ANKRD55: variants seen among roughly 807,000 people sequenced by gnomAD.
ANKRD55 encodes ankyrin repeat domain 55, also known as ankyrin repeat domain-containing protein 55.
ANKRD55 carries 41 observed loss-of-function variants against 60.6 expected under a neutral mutation model. The observed-to-expected ratio is 0.68, with a 90% CI of 0.53 to 0.88. ANKRD55 has a LOEUF of 0.88. Ranked by LOEUF, ANKRD55 falls within the 40% of genes least tolerant of loss-of-function variation. The pLI is 0.00. For missense variants in ANKRD55, 732 were observed against 767.6 expected, an observed-to-expected ratio of 0.95 and a Z score of 0.55; for synonymous variants, 264 against 290.3, an observed-to-expected ratio of 0.91 and a Z score of 0.92.
At chr5:56,154,822 C>T (rs1303744232) in intron 6 of ANKRD55, among the ~76,000 whole-genome samples, 1 of 152,080 alleles carries the variant, frequency 6.6e-6, no homozygotes, top group Non-Finnish European at 1.5e-5. Flanking sequence ...CTCCTGGCCT[C>T]AAGTGATTCA....
At chr5:56,232,727 T>C (rs1760286665) in intron 2 of ANKRD55, 129 bp downstream of exon 2, 4 of 848,088 alleles carry the variant, frequency 4.7e-6, no homozygotes, top group Middle Eastern at 2.9e-4. Context: ...CAAATACTCA[T>C]GCACACCCAC....
chr5:56,130,894 C>T (rs1757390731), intron 7 of ANKRD55, among the ~76,000 whole-genome samples: 2 of 152,062 alleles, frequency 1.3e-5, no homozygotes, highest in Admixed American at 1.3e-4. Context: ...AGGGAAGAGT[C>T]TCTGCGCTTG....
intron 7 of ANKRD55, among the ~76,000 whole-genome samples, chr5:56,140,231 GA>G (rs975571914): frequency 6.6e-6 from 1 of 152,180 alleles, no homozygotes; most frequent in African/African-American, 2.4e-5. Flanking sequence ...TGTTATAAAT[GA>G]ACAAGAAGTC....
Position 56,159,907 on chromosome 5 carries a change from A to C in ANKRD55, c.423-14T>G. On this transcript the variant is annotated splice_polypyrimidine_tract_variant and intron_variant, in intron 5 of 11. Coordinates refer to ENST00000341048, the MANE Select transcript of ANKRD55 (RefSeq NM_024669.3). ...ACCGTGAGGAGCCTGTAAGGAAAAA[A>C]TAGGAGAAATGGCTCAAAATAACAG... 6.2e-7 allele frequency: 1 copy of C among 1,612,442 alleles called. No homozygotes were observed. Among genetic ancestry groups the C allele is most frequent in the Non-Finnish European group, 8.5e-7 (1 of 1,178,584 alleles).
chr5:56,200,016 A>G (rs1428154235), intron 2 of ANKRD55, among the ~76,000 whole-genome samples: 1 of 152,206 alleles, frequency 6.6e-6, no homozygotes, highest in African/African-American at 2.4e-5. Flanking sequence ...GAAATGTGTA[A>G]AAGTCCGTAA....
intron 6 of ANKRD55, among the ~76,000 whole-genome samples, chr5:56,144,931 C>G (rs1220635887): frequency 6.6e-6 from 1 of 152,094 alleles, no homozygotes; most frequent in Admixed American, 6.5e-5. Flanking sequence ...AATGAAGATG[C>G]CTGATAAAGG....
At chr5:56,126,238 T>C (rs866440146) in intron 8 of ANKRD55, among the ~76,000 whole-genome samples, 8 of 152,222 alleles carry the variant, frequency 5.3e-5, no homozygotes, top group African/African-American at 1.7e-4. Context: ...TGCTCAAGTC[T>C]ATACTTATTT....
chr5:56,106,419 G>GTTTTTTTTTTTTTTTTTTTTTTT (rs1561248216), intron 10 of ANKRD55, among the ~76,000 whole-genome samples: 2 of 106,878 alleles, frequency 1.9e-5, no homozygotes, highest in African/African-American at 1.1e-4. Flanking sequence ...GGCTAGGAAA[G>GTTTTTTTTTTTTTTTTTTTTTTT]CTTTTTTTTT....
At chr5:56,194,915 T>C (rs910169857) in intron 2 of ANKRD55, among the ~76,000 whole-genome samples, 9 of 152,220 alleles carry the variant, frequency 5.9e-5, no homozygotes, top group African/African-American at 1.9e-4. Context: ...TGTTGAGAGA[T>C]GAGAACGTGT....
chr5:56,184,227 C>G (rs1444394575), intron 2 of ANKRD55, among the ~76,000 whole-genome samples: 5 of 152,290 alleles, frequency 3.3e-5, no homozygotes, highest in Non-Finnish European at 4.4e-5. Context: ...TCCTGCCTTC[C>G]CCTAGTGCCG....
chr5:56,213,994 A>T (rs1759742680), intron 2 of ANKRD55, among the ~76,000 whole-genome samples: 1 of 152,234 alleles, frequency 6.6e-6, no homozygotes, highest in African/African-American at 2.4e-5. Flanking sequence ...CCTCACAATC[A>T]TGGTGAAAGG....
intron 9 of ANKRD55, 42 bp downstream of exon 9, chr5:56,116,573 G>T (rs1302738866): frequency 7.1e-7 from 1 of 1,412,854 alleles, no homozygotes; most frequent in South Asian, 1.8e-5. Context: ...TTTATAAATA[G>T]TTGAGAAGAA....
chr5:56,126,093 C>A (rs1757245353), intron 8 of ANKRD55, among the ~76,000 whole-genome samples: 1 of 151,930 alleles, frequency 6.6e-6, no homozygotes, highest in Non-Finnish European at 1.5e-5. Flanking sequence ...GAGGTTGCAC[C>A]ACTGCACTCC....
chr5:56,111,045 C>T, intron 10 of ANKRD55, 73 bp downstream of exon 10: 2 of 1,514,358 alleles, frequency 1.3e-6, no homozygotes, highest in Non-Finnish European at 8.9e-7. Flanking sequence ...CACTCCAGTT[C>T]CTAGCTTAAA....
Position 56,111,017 on chromosome 5 carries a change from T to C in ANKRD55, c.1630+101A>G, listed in dbSNP as rs908706685. ...CTAATCACTCATTTTATTCTCACCC[T>C]GCCTTCTAGGCTATTGTCACTCCAG... On this transcript the variant is annotated intron_variant, in intron 10 of 11. Transcript: ENST00000341048. 44 of 1,374,620 alleles carry C rather than the reference T, an allele frequency of 3.2e-5. No homozygotes were observed. The African/African-American group carries it at 5.8e-4, about 18-fold the overall frequency. 85.2% of individuals were successfully genotyped at this position (1,374,620 alleles called of 1,614,324 possible). A position where few individuals can be genotyped will look rare whatever the true frequency, so the allele number is the denominator to read the frequency against.
At chr5:56,126,762 C>T (rs888045112) in intron 8 of ANKRD55, among the ~76,000 whole-genome samples, 160 bp downstream of exon 8, 1 of 152,178 alleles carries the variant, frequency 6.6e-6, no homozygotes, top group Non-Finnish European at 1.5e-5. Context: ...TTTTTCTCCT[C>T]TCACTAAAAT....
chr5:56,122,131 T>C (rs1381343131), intron 8 of ANKRD55, among the ~76,000 whole-genome samples: 1 of 152,240 alleles, frequency 6.6e-6, no homozygotes, highest in African/African-American at 2.4e-5. Flanking sequence ...TTATGTTTAC[T>C]CTAAAAAAAT....
intron 2 of ANKRD55, among the ~76,000 whole-genome samples, chr5:56,207,813 G>T (rs1014891353): frequency 2.0e-5 from 3 of 152,180 alleles, no homozygotes; most frequent in Non-Finnish European, 4.4e-5. Context: ...GTGCACTACT[G>T]TAGACTTTAT....
At chr5:56,152,982 T>C (rs1313813331) in intron 6 of ANKRD55, among the ~76,000 whole-genome samples, 5 of 152,054 alleles carry the variant, frequency 3.3e-5, no homozygotes, top group African/African-American at 9.7e-5. Flanking sequence ...TAAGAAAAGG[T>C]ACTATGAACT....
Sources: allele counts gnomAD v4.1 joint callset (sites outside exome capture counted in the v4.1 genomes callset), GRCh38; gene constraint gnomAD v4.1.1; transcripts MANE v1.5; gene names NCBI Gene and HGNC (gene_info 2026-07-23, HGNC 2026-07-21).